The following DTWD1 variants were observed in gnomAD, a reference collection of about 807,000 sequenced individuals.
DTWD1 encodes tRNA-uridine aminocarboxypropyltransferase 1.
DTWD1 carries 27 observed loss-of-function variants against 30.2 expected under a neutral mutation model. That is an observed-to-expected ratio of 0.90 (90% confidence interval 0.66 to 1.23). The LOEUF is 1.23. Ranked by LOEUF, DTWD1 falls within the 50% of genes most tolerant of loss-of-function variation. The pLI is 0.00. For missense variants in DTWD1, 342 were observed against 348.8 expected (o/e 0.98, Z 0.15); for synonymous variants, 99 against 113.1 (o/e 0.88, Z 0.79).
chr15:49,647,929 T>G lies in DTWD1; in HGVS notation c.*4351T>G, dbSNP rs1404723822. On this transcript the variant is annotated 3_prime_UTR_variant, in exon 5 of 5. Transcript: ENST00000403028. ...TAAAAAGTGATTGCTGAAATAAAAA[T>G]TAAATATAAGAGTTGAAGATAAAAT... is the stretch of plus-strand genomic sequence containing the variant. The G allele has an allele frequency of 6.6e-6, 1 of 151,988 alleles. No individual in the cohort carries two copies. Among genetic ancestry groups the G allele is most frequent in the East Asian group, 1.9e-4 (1 of 5,172 alleles). The allele number at this position is 151,988 out of a possible 1,614,324, so 9.4% of individuals were successfully genotyped here.
At position 49,632,282 on chromosome 15, in the gene DTWD1, T is replaced by C; in HGVS notation, c.388T>C (p.Tyr130His). 6.3e-7 allele frequency: 1 copy of C among 1,582,084 alleles called. No individual in the cohort carries two copies. The highest frequency in any genetic ancestry group is 8.5e-7 in the Non-Finnish European group (1 of 1,172,662). Residue 130 changes from tyrosine (Y) to histidine (H), a missense_variant, in exon 3 of 5, where the codon TAT becomes CAT. Transcript: ENST00000403028. ...NIYTYPCIPE[Y>H]EEKDHEVALI... ...TTACACGTATCCGTGTATTCCAGAA[T>C]ATGAAGAAAAGGACCATGAAGTAGG...
chr15:49,644,957 T>C lies in DTWD1; in HGVS notation c.*1379T>C, dbSNP rs1396611078. 1 of 151,924 alleles carries C rather than the reference T, an allele frequency of 6.6e-6. No homozygotes were observed. The highest frequency in any genetic ancestry group is 2.4e-5 in the African/African-American group (1 of 41,372). 9.4% of individuals were successfully genotyped at this position (151,924 alleles called of 1,614,324 possible). ...GGGGACTCTGATAAATTCACCTGTTTGGGTGAAATAATAGCACATTTCCTG... is the reference window on the plus strand; with the variant it reads ...GGGGACTCTGATAAATTCACCTGTTCGGGTGAAATAATAGCACATTTCCTG... On this transcript the variant is annotated 3_prime_UTR_variant, in exon 5 of 5. Transcript: ENST00000403028.
chr15:49,645,718 T>G lies in DTWD1; in HGVS notation c.*2140T>G, dbSNP rs1272539336. ...AGAACAATTCTATCACTCATTTGCC[T>G]CCATCTCTCAGCTGGCATAAGAAAG... On this transcript the variant is annotated 3_prime_UTR_variant, in exon 5 of 5. Transcript: ENST00000403028. 2 of 152,120 alleles carry G rather than the reference T, an allele frequency of 1.3e-5. No homozygotes were observed. Among genetic ancestry groups the G allele is most frequent in the Middle Eastern group, 3.4e-3 (1 of 294 alleles). 9.4% of individuals were successfully genotyped at this position (152,120 alleles called of 1,614,324 possible).
In DTWD1 at chr15:49,651,377, T is replaced by G. The variant is rs2079151232; in HGVS notation, c.*7799T>G. 6.6e-6 allele frequency: 1 copy of G among 152,058 alleles called. No individual in the cohort carries two copies. Among genetic ancestry groups the G allele is most frequent in the South Asian group, 2.1e-4 (1 of 4,830 alleles). The allele number at this position is 152,058 out of a possible 1,614,324, so 9.4% of individuals were successfully genotyped here. ...AGAGTCTCTAAACAATAAAGCAAAC[T>G]AAACACATTGCCTAGTTGACGTCAT... On this transcript the variant is annotated 3_prime_UTR_variant, in exon 5 of 5. Transcript: ENST00000403028.
chr15:49,626,794 C>T (rs199790128), intron 2 of DTWD1: 3 of 442,964 alleles, frequency 6.8e-6, no homozygotes. Flanking sequence ...CATCTAAAAT[C>T]ACATGTATAG....
intron 1 of DTWD1, among the ~76,000 whole-genome samples, chr15:49,622,432 T>G (rs900895692): frequency 6.6e-6 from 1 of 152,068 alleles, no homozygotes; most frequent in Non-Finnish European, 1.5e-5. Context: ...TGCAACTTGG[T>G]GAGTATAATT....
intron 1 of DTWD1, among the ~76,000 whole-genome samples, chr15:49,624,012 CTT>C (rs1476835758): frequency 6.6e-6 from 1 of 150,880 alleles, no homozygotes; most frequent in Non-Finnish European, 1.5e-5. Context: ...TTTTGTATCT[CTT>C]TATTTGTATC....
At chr15:49,633,037 T>TTATATATATATATATATA (rs1555588540) in intron 3 of DTWD1, among the ~76,000 whole-genome samples, 68 of 76,740 alleles carry the variant, frequency 8.9e-4, no homozygotes, top group Non-Finnish European at 2.3e-3. Context: ...ACTTTCCTAT[T>TTATATATATATATATATA]TATATCTATA....
chr15:49,623,797 A>C (rs1196647508), intron 1 of DTWD1: 1 of 152,220 alleles, frequency 6.6e-6, no homozygotes, highest in South Asian at 2.1e-4. Context: ...ATTTTTAGGC[A>C]GGTGAGTTGG....
chr15:49,649,954 AG>A lies in DTWD1; in HGVS notation c.*6377del, dbSNP rs1473866142. 2 of 152,166 alleles carry A rather than the reference AG, an allele frequency of 1.3e-5. No individual in the cohort carries two copies. Among genetic ancestry groups the A allele is most frequent in the Admixed American group, 1.3e-4 (2 of 15,270 alleles). 9.4% of individuals were successfully genotyped at this position (152,166 alleles called of 1,614,324 possible). A position where few individuals can be genotyped will look rare whatever the true frequency, so the allele number is the denominator to read the frequency against. ...GCAGGAAAGGGGTGCCAGTTTAAAT[AG>A]CATGGTCAGATGGAAAAGCCTGTGA... On this transcript the variant is annotated 3_prime_UTR_variant, in exon 5 of 5. Coordinates refer to ENST00000403028, the MANE Select transcript of DTWD1 (RefSeq NM_001144955.2).
intron 1 of DTWD1, among the ~76,000 whole-genome samples, chr15:49,622,372 T>G (rs1266688731): frequency 2.0e-5 from 3 of 152,182 alleles, no homozygotes; most frequent in Admixed American, 6.6e-5. Context: ...AGGAACTGAA[T>G]TAGAATCCTG....
At chr15:49,636,418 A>T (rs2079003753) in intron 4 of DTWD1, among the ~76,000 whole-genome samples, 1 of 152,146 alleles carries the variant, frequency 6.6e-6, no homozygotes, top group Non-Finnish European at 1.5e-5. Flanking sequence ...CATCTAATAT[A>T]CTGTCCATAT....
rs2079168660 is a variant in DTWD1 at position 49,654,463 on chromosome 15, C to G, written c.*10885C>G. 6.6e-6 allele frequency: 1 copy of G among 152,014 alleles called. No individual in the cohort carries two copies. Among genetic ancestry groups the G allele is most frequent in the Non-Finnish European group, 1.5e-5 (1 of 68,014 alleles). 9.4% of individuals were successfully genotyped at this position (152,014 alleles called of 1,614,324 possible). On this transcript the variant is annotated 3_prime_UTR_variant, in exon 5 of 5. Transcript: ENST00000403028. ...GGTAAAAGTAAGGTCTGGCAGTTTT[C>G]ACTTTCACTCTCCTGAACCTTCATA...
chr15:49,633,049 C>CTATCTATATATATATA (rs2078947255), intron 3 of DTWD1, among the ~76,000 whole-genome samples: 6 of 117,316 alleles, frequency 5.1e-5, no homozygotes, highest in South Asian at 2.7e-4. Flanking sequence ...ATATCTATAT[C>CTATCTATATATATATA]TATATATATA....
chr15:49,628,993 C>T (rs2078882717), intron 2 of DTWD1, among the ~76,000 whole-genome samples: 1 of 152,138 alleles, frequency 6.6e-6, no homozygotes, highest in Non-Finnish European at 1.5e-5. Flanking sequence ...CCTAGCTCCC[C>T]ACCCCCAGAC....
chr15:49,633,049 C>CTATATCTATATA (rs774517463), intron 3 of DTWD1, among the ~76,000 whole-genome samples: 1,276 of 117,320 alleles, frequency 0.011, 12 homozygotes, highest in Non-Finnish European at 0.016. Context: ...ATATCTATAT[C>CTATATCTATATA]TATATATATA....
chr15:49,633,037 T>TTATAGC (rs2078943956), intron 3 of DTWD1, among the ~76,000 whole-genome samples: 5 of 76,698 alleles, frequency 6.5e-5, no homozygotes, highest in African/African-American at 1.6e-4. Flanking sequence ...ACTTTCCTAT[T>TTATAGC]TATATCTATA....
At chr15:49,632,363 T>C (rs555625731) in intron 3 of DTWD1, 61 bp downstream of exon 3, 79 of 1,478,404 alleles carry the variant, frequency 5.3e-5, no homozygotes, top group Non-Finnish European at 7.1e-5. Flanking sequence ...TTAACCTCCA[T>C]TGCCTTTCTG....
rs779030872 is a variant in DTWD1, at chr15:49,643,319, T to TC, written c.668-12_668-11insC. 14 of 1,453,828 alleles carry TC rather than the reference T, an allele frequency of 9.6e-6. No individual in the cohort carries two copies. Among genetic ancestry groups the TC allele is most frequent in the Non-Finnish European group, 1.3e-5 (14 of 1,111,154 alleles). The allele number at this position is 1,453,828 out of a possible 1,614,324, so 90.1% of individuals were successfully genotyped here. A position where few individuals can be genotyped will look rare whatever the true frequency, so the allele number is the denominator to read the frequency against. The stretch of plus-strand genomic sequence containing the variant: ...CTTTCTTTCTTTCTTTTTTTTTTTT[T>TC]TTTTTTGACAGGGTTGTTACAAGTT... On this transcript the variant is annotated splice_polypyrimidine_tract_variant and intron_variant, in intron 4 of 4. Coordinates refer to ENST00000403028, the MANE Select transcript of DTWD1 (RefSeq NM_001144955.2).
Sources: gnomAD v4.1 joint callset for allele counts (sites outside exome capture counted in the v4.1 genomes callset) on GRCh38, gnomAD v4.1.1 for gene constraint, MANE v1.5 for transcripts, NCBI Gene and HGNC (gene_info 2026-07-23, HGNC 2026-07-21) for gene names.